The following BCAS3 variants were observed in gnomAD, a reference collection of about 807,000 sequenced individuals.
BCAS3 encodes BCAS4/BCAS3 fusion.
A neutral mutation model predicts 116.1 loss-of-function variants in BCAS3; 53 were observed. The observed-to-expected ratio is 0.46, with a 90% CI of 0.37 to 0.57. BCAS3 has a LOEUF of 0.57. BCAS3 is among the 20% of genes least tolerant of loss of function. BCAS3 has a pLI of 0.00. For synonymous variants in BCAS3, 391 were observed against 408.2 expected (o/e 0.96, Z 0.51); for missense variants, 917 against 1,165.4 (o/e 0.79, Z 3.10).
intron 7 of BCAS3, chr17:60,851,769 T>C (rs1039562242): frequency 9.5e-7 from 1 of 1,050,758 alleles, no homozygotes; most frequent in Non-Finnish European, 1.5e-6. Context: ...GTCTTATCAG[T>C]GGTCCCTGTC....
intron 12 of BCAS3, among the ~76,000 whole-genome samples, chr17:60,921,891 T>C (rs1455819439): frequency 1.3e-5 from 2 of 151,858 alleles, no homozygotes; most frequent in Non-Finnish European, 2.9e-5. Flanking sequence ...CGTCAAGAAG[T>C]ATTACTGGAG....
chr17:61,087,148 T>G lies in BCAS3; in HGVS notation c.2425+2584T>G. The G allele has an allele frequency of 1.0e-6, 1 of 985,474 alleles. No individual in the cohort carries two copies. Among genetic ancestry groups the G allele is most frequent in the South Asian group, 4.7e-5 (1 of 21,292 alleles). 61.0% of individuals were successfully genotyped at this position (985,474 alleles called of 1,614,324 possible). A position where few individuals can be genotyped will look rare whatever the true frequency, so the allele number is the denominator to read the frequency against. On this transcript the variant is annotated intron_variant, in intron 22 of 23. Coordinates refer to ENST00000407086, the MANE Select transcript of BCAS3 (RefSeq NM_017679.5). The surrounding 1 kb of genome is among the most constrained non-coding windows in gnomAD (Gnocchi z 4.6). ...TTATAATTGCTCTTGAACCGGGAAG[T>G]GCACCTCTGATTATGATCCATGCAT...
intron 4 of BCAS3, among the ~76,000 whole-genome samples, chr17:60,701,218 T>A (rs2036337371): frequency 6.6e-6 from 1 of 151,814 alleles, no homozygotes; most frequent in African/African-American, 2.4e-5. Context: ...CACTCCAGCC[T>A]GGGTGATGGA....
intron 22 of BCAS3, among the ~76,000 whole-genome samples, chr17:61,297,752 G>A (rs1389339373): frequency 6.6e-6 from 1 of 152,096 alleles, no homozygotes; most frequent in Non-Finnish European, 1.5e-5. Context: ...AAAAGTACAG[G>A]TGTTCGTGTT....
At chr17:61,045,550 C>G (rs975634335) in intron 19 of BCAS3, among the ~76,000 whole-genome samples, 1 of 150,194 alleles carries the variant, frequency 6.7e-6, no homozygotes, top group Non-Finnish European at 1.5e-5. Context: ...CGCAGTGGCT[C>G]ATGCCTGTAA....
chr17:61,154,074 C>G (rs1306031928), intron 22 of BCAS3, among the ~76,000 whole-genome samples: 1 of 152,150 alleles, frequency 6.6e-6, no homozygotes, highest in Admixed American at 6.5e-5. Flanking sequence ...ATGTTCATCC[C>G]CCCACTGCCA....
At chr17:60,912,791 C>T (rs897570551) in intron 12 of BCAS3, among the ~76,000 whole-genome samples, 3 of 151,978 alleles carry the variant, frequency 2.0e-5, no homozygotes, top group East Asian at 1.9e-4. Flanking sequence ...AATTAATTCA[C>T]CTACAAGGCC....
rs2063732434 is a variant in BCAS3, at chr17:60,994,737, T to A, written c.1486+4502T>A. ...ATTTGCAACTTTTCTTTATTTGACA[T>A]TATTATTGCCTCTTTGAATGCCTAC... On this transcript the variant is annotated intron_variant, in intron 15 of 23. Transcript: ENST00000407086. This position sits in a 1 kb window ranked among gnomAD's most constrained non-coding sequence, Gnocchi z 4.4. Among the ~76,000 whole-genome samples the A allele has an allele frequency of 6.6e-6, 1 of 152,214 alleles. No homozygotes were observed. The highest frequency in any genetic ancestry group is 1.9e-4 in the East Asian group (1 of 5,200).
At chr17:60,727,327 C>G (rs2039985850) in intron 5 of BCAS3, 21 of 1,346,438 alleles carry the variant, frequency 1.6e-5, no homozygotes, top group Middle Eastern at 1.9e-4. Context: ...GGAAAACTGG[C>G]CTTCTCTGCC....
chr17:61,373,336 C>T (rs1024584015), intron 23 of BCAS3, among the ~76,000 whole-genome samples: 1 of 151,244 alleles, frequency 6.6e-6, no homozygotes, highest in South Asian at 2.1e-4. Flanking sequence ...GTGATCTGTC[C>T]GCATCAGCCT....
intron 22 of BCAS3, among the ~76,000 whole-genome samples, chr17:61,291,491 A>G (rs1041729626): frequency 6.6e-6 from 1 of 152,134 alleles, no homozygotes; most frequent in Non-Finnish European, 1.5e-5. Flanking sequence ...TTCCATTTGC[A>G]TTTTGAAGTT....
chr17:61,103,178 C>T (rs2074431969), intron 22 of BCAS3, among the ~76,000 whole-genome samples: 1 of 152,066 alleles, frequency 6.6e-6, no homozygotes, highest in South Asian at 2.1e-4. Context: ...TCAGTTCTTC[C>T]CTTCTTAGAT....
chr17:61,373,879 C>CCT (rs1446571187), intron 23 of BCAS3, among the ~76,000 whole-genome samples: 4 of 143,760 alleles, frequency 2.8e-5, no homozygotes, highest in East Asian at 4.2e-4. Context: ...CTCACTGCAA[C>CCT]CTCCACCTCA....
At chr17:61,357,245 AAAATAAATAAAT>A (rs142837090) in intron 22 of BCAS3, among the ~76,000 whole-genome samples, 2 of 139,642 alleles carry the variant, frequency 1.4e-5, no homozygotes, top group African/African-American at 2.7e-5. Context: ...ATATCTACAA[AAAATAAATAAAT>A]AAATAAATAA....
intron 6 of BCAS3, among the ~76,000 whole-genome samples, chr17:60,798,221 A>G (rs1308446947): frequency 6.6e-6 from 1 of 152,248 alleles, no homozygotes; most frequent in Non-Finnish European, 1.5e-5. Context: ...TCTACATTCT[A>G]GAAATTTTCA....
chr17:61,336,010 C>A (rs1436023932), intron 22 of BCAS3, among the ~76,000 whole-genome samples: 1 of 152,248 alleles, frequency 6.6e-6, no homozygotes, highest in African/African-American at 2.4e-5. Context: ...CGCTCCCAGC[C>A]CCCTTTCCAT....
At position 60,977,744 on chromosome 17, in the gene BCAS3, T is replaced by A. The variant is rs2062511524; in HGVS notation, c.1222-12227T>A. Among the ~76,000 whole-genome samples the A allele has an allele frequency of 1.3e-5, 2 of 149,540 alleles. 1 individual carries two copies. Among genetic ancestry groups the A allele is most frequent in the South Asian group, 4.3e-4 (2 of 4,636 alleles). On this transcript the variant is annotated intron_variant, in intron 14 of 23. Coordinates refer to ENST00000407086, the MANE Select transcript of BCAS3 (RefSeq NM_017679.5). Reference sequence around the variant, plus strand: ...TTCAATTCCCACCTATGATTGAGAATATGCGTGTTTGGCTTTTTGTTCTTG... The same window carrying A: ...TTCAATTCCCACCTATGATTGAGAAAATGCGTGTTTGGCTTTTTGTTCTTG...
chr17:61,250,588 A>C (rs1442161716), intron 22 of BCAS3, among the ~76,000 whole-genome samples: 3 of 152,344 alleles, frequency 2.0e-5, no homozygotes, highest in East Asian at 3.9e-4. Flanking sequence ...GAGATAAGGA[A>C]GATGATTATC....
intron 22 of BCAS3, among the ~76,000 whole-genome samples, chr17:61,321,656 TG>T (rs1156279426): frequency 3.3e-5 from 5 of 152,312 alleles, no homozygotes; most frequent in African/African-American, 1.2e-4. Flanking sequence ...GGTTGGCATT[TG>T]GTCTTTATCA....
Sources: gnomAD v4.1 joint callset for allele counts (sites outside exome capture counted in the v4.1 genomes callset) on GRCh38, gnomAD v4.1.1 for gene constraint, Gnocchi (gnomAD v3.1) non-coding constraint, MANE v1.5 for transcripts, NCBI Gene and HGNC (gene_info 2026-07-23, HGNC 2026-07-21) for gene names.